The following EIF4G3 variants were observed in gnomAD, a reference collection of about 807,000 sequenced individuals.
The protein encoded by EIF4G3 is eukaryotic translation initiation factor 4 gamma 3, also known as eIF-4-gamma 3.
Under a neutral mutation model 186.4 loss-of-function variants are expected in EIF4G3, and 34 were observed. The ratio of observed to expected loss-of-function variants is 0.18; its 90% CI spans 0.14 to 0.24. The LOEUF (loss-of-function observed/expected upper bound fraction) is 0.24, where lower values mean the gene tolerates loss of function less well. EIF4G3 is among the 10% of genes least tolerant of loss of function. The probability of loss-of-function intolerance (pLI) is 1.00; values close to 1 mark genes in which losing one functional copy is unlikely to be tolerated. For synonymous variants in EIF4G3, 673 were observed against 679.5 expected (o/e 0.99, Z 0.15); for missense variants, 1,536 against 1,948.5 (o/e 0.79, Z 3.99).
At chr1:21,055,622 ACC>A (rs2094527092) in intron 3 of EIF4G3, among the ~76,000 whole-genome samples, 3 of 152,026 alleles carry the variant, frequency 2.0e-5, no homozygotes, top group Admixed American at 6.6e-5. Context: ...CAAAACCATC[ACC>A]CCAAAATTAT....
At chr1:21,007,150 C>A (rs2085315732) in intron 4 of EIF4G3, among the ~76,000 whole-genome samples, 1 of 152,062 alleles carries the variant, frequency 6.6e-6, no homozygotes, top group African/African-American at 2.4e-5. Context: ...GTAATCCCAG[C>A]ACTTTGGGAG....
At chr1:21,065,504 C>G (rs991411385) in intron 3 of EIF4G3, among the ~76,000 whole-genome samples, 1 of 150,768 alleles carries the variant, frequency 6.6e-6, no homozygotes, top group Non-Finnish European at 1.5e-5. Flanking sequence ...AAGCTATGAT[C>G]ATGCTACTGC....
At chr1:21,043,784 G>C (rs2093707836) in intron 4 of EIF4G3, among the ~76,000 whole-genome samples, 1 of 151,576 alleles carries the variant, frequency 6.6e-6, no homozygotes, top group Non-Finnish European at 1.5e-5. Context: ...TAAGGCAGGA[G>C]GATAGCTTGA....
chr1:21,123,559 T>G (rs1375411854), intron 2 of EIF4G3, among the ~76,000 whole-genome samples: 1 of 133,664 alleles, frequency 7.5e-6, no homozygotes, highest in African/African-American at 2.9e-5. Flanking sequence ...AGCAAGACTG[T>G]CTCAAAAAAA....
intron 2 of EIF4G3, among the ~76,000 whole-genome samples, chr1:21,126,530 C>A (rs1046114578): frequency 2.6e-5 from 4 of 151,994 alleles, no homozygotes; most frequent in Non-Finnish European, 5.9e-5. Context: ...GTAGCACCTG[C>A]CTGTAGTCAC....
At chr1:21,130,806 C>A (rs1424541293) in intron 2 of EIF4G3, among the ~76,000 whole-genome samples, 1 of 151,904 alleles carries the variant, frequency 6.6e-6, no homozygotes, top group Non-Finnish European at 1.5e-5. Context: ...AAAAAGGAGA[C>A]AACATACATG....
At chr1:21,067,403 G>A (rs2095285929) in intron 3 of EIF4G3, among the ~76,000 whole-genome samples, 1 of 151,864 alleles carries the variant, frequency 6.6e-6, no homozygotes, top group Non-Finnish European at 1.5e-5. Context: ...AAAGTGCTAG[G>A]ATTACAGGCA....
At position 20,861,745 on chromosome 1, in the gene EIF4G3, G is replaced by A. The variant is rs182028439; in HGVS notation, c.3111+483C>T. On this transcript the variant is annotated intron_variant, in intron 23 of 36. Coordinates refer to ENST00000602326, the MANE Select transcript of EIF4G3 (RefSeq NM_001391906.1). ...TCCCAGCACTTTGGGAGGCTGAGGT[G>A]GGCAGATCATTTGAGGTCAGGAGTT... Among the ~76,000 whole-genome samples, 67 of 152,290 alleles carry A rather than the reference G, an allele frequency of 4.4e-4. 1 individual carries two copies. The highest frequency in any genetic ancestry group is 1.5e-3 in the African/African-American group (61 of 41,576).
chr1:20,947,207 G>A (rs1036370284), intron 13 of EIF4G3, among the ~76,000 whole-genome samples: 1 of 152,024 alleles, frequency 6.6e-6, no homozygotes, highest in Non-Finnish European at 1.5e-5. Flanking sequence ...AGCTGGTCAT[G>A]GTGGTTCATG....
chr1:21,159,471 T>A (rs1249634720), intron 2 of EIF4G3, among the ~76,000 whole-genome samples: 1 of 150,614 alleles, frequency 6.6e-6, no homozygotes, highest in South Asian at 2.1e-4. Context: ...GCGCGGTGGC[T>A]CACGCCTGTA....
intron 30 of EIF4G3, among the ~76,000 whole-genome samples, chr1:20,833,776 A>G (rs1176502216): frequency 2.0e-5 from 3 of 152,224 alleles, no homozygotes; most frequent in Non-Finnish European, 2.9e-5. Context: ...AACTCTCAAT[A>G]AATTAGGTAT....
intron 32 of EIF4G3, among the ~76,000 whole-genome samples, chr1:20,827,102 G>T (rs1244326674): frequency 6.6e-6 from 1 of 152,148 alleles, no homozygotes; most frequent in Non-Finnish European, 1.5e-5. Flanking sequence ...TCATTTCTGA[G>T]TTCTGTTTTG....
chr1:20,944,496 T>C (rs1323029167), intron 13 of EIF4G3, among the ~76,000 whole-genome samples: 2 of 135,276 alleles, frequency 1.5e-5, no homozygotes, highest in African/African-American at 5.7e-5. Context: ...ACCTGGGCAA[T>C]AGAGCAAGAC....
chr1:20,903,494 AATGT>A (rs1355927343), intron 15 of EIF4G3, among the ~76,000 whole-genome samples: 1 of 152,222 alleles, frequency 6.6e-6, no homozygotes, highest in Non-Finnish European at 1.5e-5. Context: ...CCACAGCAGG[AATGT>A]ATGTGATTCC....
intron 20 of EIF4G3, among the ~76,000 whole-genome samples, chr1:20,877,845 AATTTT>A (rs2081300903): frequency 2.0e-5 from 3 of 152,000 alleles, no homozygotes; most frequent in Admixed American, 6.6e-5. Context: ...CTCTTATCTC[AATTTT>A]ATTTTATTTT....
intron 2 of EIF4G3, among the ~76,000 whole-genome samples, chr1:21,122,196 T>C (rs946227577): frequency 6.6e-6 from 1 of 152,180 alleles, no homozygotes; most frequent in African/African-American, 2.4e-5. Flanking sequence ...AATGACACAT[T>C]TGAATTTGAA....
chr1:20,862,098 A>G (rs567611537), intron 23 of EIF4G3, 130 bp downstream of exon 23: 2 of 545,076 alleles, frequency 3.7e-6, no homozygotes, highest in Admixed American at 7.4e-5. Context: ...AAAGTTTGCC[A>G]ATCCAAATTC....
intron 4 of EIF4G3, among the ~76,000 whole-genome samples, chr1:21,023,715 G>A (rs1175876571): frequency 1.3e-5 from 2 of 151,150 alleles, no homozygotes; most frequent in Admixed American, 6.6e-5. Flanking sequence ...CTGCCTGGCC[G>A]CCCATCGTCT....
At chr1:20,991,315 C>T (rs981329524) in intron 7 of EIF4G3, among the ~76,000 whole-genome samples, 1 of 152,156 alleles carries the variant, frequency 6.6e-6, no homozygotes, top group Admixed American at 6.5e-5. Flanking sequence ...CGCCTTTAAA[C>T]CCAGCACTTT....
Sources: gnomAD v4.1 joint callset for allele counts (sites outside exome capture counted in the v4.1 genomes callset) on GRCh38, gnomAD v4.1.1 for gene constraint, MANE v1.5 for transcripts, NCBI Gene and HGNC (gene_info 2026-07-23, HGNC 2026-07-21) for gene names.